The following CALN1 variants were observed in gnomAD, a reference collection of about 807,000 sequenced individuals.
CALN1 encodes calcium-binding protein 8.
A neutral mutation model predicts 30.6 loss-of-function variants in CALN1; 17 were observed. The ratio of observed to expected loss-of-function variants is 0.56; its 90% CI spans 0.38 to 0.83. The LOEUF is 0.83. CALN1 is among the 40% of genes least tolerant of loss of function. The pLI is 0.00. For synonymous variants in CALN1, 156 were observed against 131.4 expected (o/e 1.19, Z -1.28); for missense variants, 291 against 354.9 (o/e 0.82, Z 1.45).
At chr7:71,851,186 G>A (rs36129802) in intron 5 of CALN1, among the ~76,000 whole-genome samples, 3,299 of 149,726 alleles carry the variant, frequency 0.022, 55 homozygotes, top group Non-Finnish European at 0.038. Context: ...TAGCCTGGGC[G>A]ACAGAGAGAG....
chr7:71,897,169 G>GT (rs1467994887), intron 5 of CALN1, among the ~76,000 whole-genome samples: 1 of 152,202 alleles, frequency 6.6e-6, no homozygotes, highest in Admixed American at 6.5e-5. Context: ...TGTAATATCT[G>GT]TGAGTCCAGC....
At chr7:72,460,908 CCT>C in the CALN1 span, among the ~76,000 whole-genome samples, 1 of 152,132 alleles carries the variant, frequency 6.6e-6, no homozygotes, top group Admixed American at 6.5e-5. Context: ...CTTGAATCAC[CCT>C]GAGTCTGGGT....
intron 3 of CALN1, among the ~76,000 whole-genome samples, chr7:72,221,157 CGAAAGGGTGGT>C (rs1459489232): frequency 2.6e-5 from 4 of 151,760 alleles, no homozygotes; most frequent in Admixed American, 1.3e-4. Flanking sequence ...ATGATGTTGG[CGAAAGGGTGGT>C]GAAAGGGGAG....
At chr7:72,065,815 C>A (rs1803981932) in intron 4 of CALN1, among the ~76,000 whole-genome samples, 1 of 152,042 alleles carries the variant, frequency 6.6e-6, no homozygotes, top group Non-Finnish European at 1.5e-5. Flanking sequence ...ATCACTTGAA[C>A]CTGGGAGGCA....
chr7:72,314,366 C>CT (rs1800275133), intron 2 of CALN1, among the ~76,000 whole-genome samples: 1 of 81,804 alleles, frequency 1.2e-5, no homozygotes, highest in South Asian at 3.3e-4. Context: ...TATACATATA[C>CT]ATATATACAC....
chr7:72,274,851 C>G (rs1797236139), intron 3 of CALN1, among the ~76,000 whole-genome samples: 1 of 152,052 alleles, frequency 6.6e-6, no homozygotes, highest in Non-Finnish European at 1.5e-5. Context: ...GGGTGATTCC[C>G]AACTTTAATC....
chr7:71,863,401 T>C (rs1791406546), intron 5 of CALN1, among the ~76,000 whole-genome samples: 1 of 150,282 alleles, frequency 6.7e-6, no homozygotes, highest in Admixed American at 6.6e-5. Context: ...CTACTAAAAA[T>C]ACAAAAATTA....
chr7:71,819,684 C>T (rs35587515), intron 5 of CALN1, among the ~76,000 whole-genome samples: 26,640 of 152,066 alleles, frequency 0.18, 3,454 homozygotes, highest in East Asian at 0.6. Context: ...ACAACCACCA[C>T]TCTATTTTTT....
chr7:72,162,059 T>C (rs1325327977), intron 3 of CALN1, among the ~76,000 whole-genome samples: 1 of 151,380 alleles, frequency 6.6e-6, no homozygotes, highest in African/African-American at 2.4e-5. Context: ...TTCTAGAAGT[T>C]TTCAACAACA....
At chr7:71,830,212 T>C (rs945977416) in intron 5 of CALN1, among the ~76,000 whole-genome samples, 7 of 151,932 alleles carry the variant, frequency 4.6e-5, no homozygotes, top group Non-Finnish European at 1.5e-5. Flanking sequence ...GCTGGCTAAT[T>C]TTGCATTTTT....
At chr7:71,941,754 T>C (rs1796142562) in intron 5 of CALN1, among the ~76,000 whole-genome samples, 1 of 152,216 alleles carries the variant, frequency 6.6e-6, no homozygotes, top group African/African-American at 2.4e-5. Flanking sequence ...ACAGGCAGTG[T>C]GTACTTTATA....
chr7:71,830,316 T>TA (rs1789191331), intron 5 of CALN1, among the ~76,000 whole-genome samples: 2 of 151,796 alleles, frequency 1.3e-5, no homozygotes, highest in Non-Finnish European at 2.9e-5. Context: ...ATGCTGGGAT[T>TA]ACAGGCATGA....
At chr7:72,335,992 C>T (rs1198644307) in intron 2 of CALN1, among the ~76,000 whole-genome samples, 1 of 152,218 alleles carries the variant, frequency 6.6e-6, no homozygotes, top group Non-Finnish European at 1.5e-5. Flanking sequence ...CCCAGACTGT[C>T]CGGGGAAGAC....
chr7:72,161,058 G>A (rs963456563), intron 3 of CALN1, among the ~76,000 whole-genome samples: 1 of 152,200 alleles, frequency 6.6e-6, no homozygotes, highest in Non-Finnish European at 1.5e-5. Context: ...GAAAAGGGCA[G>A]ACAGAGCTGG....
chr7:71,889,670 C>T (rs1793121798), intron 5 of CALN1, among the ~76,000 whole-genome samples: 1 of 152,150 alleles, frequency 6.6e-6, no homozygotes, highest in Non-Finnish European at 1.5e-5. Context: ...ATTTGAGCCA[C>T]TTGGCTGGGC....
At chr7:72,452,161 T>C in the CALN1 span, among the ~76,000 whole-genome samples, 1 of 152,190 alleles carries the variant, frequency 6.6e-6, no homozygotes, top group Non-Finnish European at 1.5e-5. Context: ...ATATATTTTA[T>C]GAATATTTTG....
chr7:72,056,586 C>T (rs1803271124), intron 4 of CALN1, among the ~76,000 whole-genome samples: 2 of 151,806 alleles, frequency 1.3e-5, no homozygotes, highest in African/African-American at 2.4e-5. Context: ...GAAGAAAATC[C>T]TATCTAAGCT....
chr7:72,098,715 AAAAT>A (rs1263694389), intron 4 of CALN1, among the ~76,000 whole-genome samples: 1 of 151,320 alleles, frequency 6.6e-6, no homozygotes, highest in Non-Finnish European at 1.5e-5. Flanking sequence ...GCCTCTATAA[AAAAT>A]AAAATAAAAT....
At chr7:72,100,821 CAAA>C (rs35514026) in intron 4 of CALN1, among the ~76,000 whole-genome samples, 2 of 73,084 alleles carry the variant, frequency 2.7e-5, no homozygotes, top group Non-Finnish European at 2.6e-5. Flanking sequence ...CTCCGTCTCA[CAAA>C]AAAAAAAAAA....
Sources: gnomAD v4.1 joint callset for allele counts (sites outside exome capture counted in the v4.1 genomes callset) on GRCh38, gnomAD v4.1.1 for gene constraint, MANE v1.5 for transcripts, NCBI Gene and HGNC (gene_info 2026-07-23, HGNC 2026-07-21) for gene names.